ARL15: variants seen among roughly 807,000 people sequenced by gnomAD.
The protein encoded by ARL15 is ADP-ribosylation factor-like protein 15.
ARL15 carries 19 observed loss-of-function variants against 25.2 expected under a neutral mutation model. The observed-to-expected ratio is 0.75, with a 90% CI of 0.53 to 1.10. ARL15 has a LOEUF of 1.10. Ranked by LOEUF, ARL15 falls within the 50% of genes least tolerant of loss-of-function variation. The pLI is 0.00. For synonymous variants in ARL15, 94 were observed against 86.8 expected, an observed-to-expected ratio of 1.08 and a Z score of -0.46; for missense variants, 220 against 246.0, an observed-to-expected ratio of 0.89 and a Z score of 0.71.
intron 3 of ARL15, among the ~76,000 whole-genome samples, chr5:54,148,610 A>G (rs2112332349): frequency 6.6e-6 from 1 of 152,332 alleles, no homozygotes; most frequent in African/African-American, 2.4e-5. Context: ...TGAATACTGA[A>G]TCATAAAAGA....
intron 1 of ARL15, among the ~76,000 whole-genome samples, chr5:54,229,865 C>T (rs1176261353): frequency 2.6e-5 from 4 of 152,126 alleles, no homozygotes; most frequent in Non-Finnish European, 2.9e-5. Flanking sequence ...TCCCGTTCTC[C>T]CCTTTGAGGC....
At chr5:54,130,847 C>G (rs755035509) in intron 3 of ARL15, among the ~76,000 whole-genome samples, 14 of 152,124 alleles carry the variant, frequency 9.2e-5, no homozygotes, top group Non-Finnish European at 1.6e-4. Flanking sequence ...GAATGGCACT[C>G]TAGGTAGTTG....
At chr5:54,154,479 T>A (rs1754161707) in intron 3 of ARL15, 101 bp downstream of exon 3, 3 of 708,600 alleles carry the variant, frequency 4.2e-6, no homozygotes, top group Admixed American at 7.6e-5. Flanking sequence ...ATGAACCACC[T>A]ACTAAAATAA....
At chr5:54,296,974 A>G (rs891849054) in intron 1 of ARL15, among the ~76,000 whole-genome samples, 1 of 152,216 alleles carries the variant, frequency 6.6e-6, no homozygotes, top group Non-Finnish European at 1.5e-5. Flanking sequence ...GGAGGCACAG[A>G]GCAGTGTACA....
intron 4 of ARL15, among the ~76,000 whole-genome samples, chr5:54,089,176 G>A (rs975284964): frequency 3.3e-5 from 5 of 152,114 alleles, no homozygotes; most frequent in South Asian, 2.1e-4. Flanking sequence ...AGTCCATAAC[G>A]GTTTTTGCCA....
chr5:53,974,995 A>T (rs1037108700), intron 4 of ARL15, among the ~76,000 whole-genome samples: 1 of 152,164 alleles, frequency 6.6e-6, no homozygotes, highest in Non-Finnish European at 1.5e-5. Context: ...AGATGTAAAC[A>T]AAGGTGCTGT....
intron 1 of ARL15, among the ~76,000 whole-genome samples, chr5:54,189,329 C>G (rs1434068068): frequency 6.6e-6 from 1 of 151,990 alleles, no homozygotes; most frequent in African/African-American, 2.4e-5. Context: ...TATAGAATCA[C>G]AAATGACAAA....
chr5:54,217,158 T>C (rs1397786339), intron 1 of ARL15, among the ~76,000 whole-genome samples: 1 of 151,488 alleles, frequency 6.6e-6, no homozygotes, highest in Non-Finnish European at 1.5e-5. Flanking sequence ...AAACAAAATA[T>C]ATTTATCTTT....
chr5:54,188,644 T>G (rs781697020), intron 1 of ARL15, among the ~76,000 whole-genome samples: 51 of 152,212 alleles, frequency 3.4e-4, no homozygotes, highest in Non-Finnish European at 5.6e-4. Flanking sequence ...ACAAGAGGAA[T>G]AAGACATCAC....
At chr5:54,002,359 G>C (rs908573020) in intron 4 of ARL15, among the ~76,000 whole-genome samples, 1 of 152,206 alleles carries the variant, frequency 6.6e-6, no homozygotes, top group South Asian at 2.1e-4. Context: ...AGAGGGTATT[G>C]AGTAGTCAAA....
At chr5:53,944,469 G>A (rs1746653949) in intron 4 of ARL15, among the ~76,000 whole-genome samples, 1 of 152,050 alleles carries the variant, frequency 6.6e-6, no homozygotes, top group African/African-American at 2.4e-5. Flanking sequence ...AAAATTTGCT[G>A]AGTGTGGTGG....
chr5:54,001,486 A>G (rs749721287), intron 4 of ARL15, among the ~76,000 whole-genome samples: 1 of 152,220 alleles, frequency 6.6e-6, no homozygotes, highest in South Asian at 2.1e-4. Context: ...ATAAAGTATC[A>G]ATCTCCTTAT....
chr5:53,914,140 C>CACAA lies in ARL15; in HGVS notation c.463-27428_463-27427insTTGT, dbSNP rs1274126672. Among the ~76,000 whole-genome samples, 4 of 148,356 alleles carry CACAA rather than the reference C, an allele frequency of 2.7e-5. No individual in the cohort carries two copies. The South Asian group carries it at 8.5e-4, about 31-fold the overall frequency. ...TGAAATTAGCAAGTGCACAGGCCCA[C>CACAA]ACACACACTCTCACACACACACACA... On this transcript the variant is annotated intron_variant, in intron 4 of 4. Coordinates refer to ENST00000504924, the MANE Select transcript of ARL15 (RefSeq NM_019087.3).
chr5:54,149,529 A>G (rs1175645628), intron 3 of ARL15, among the ~76,000 whole-genome samples: 1 of 152,220 alleles, frequency 6.6e-6, no homozygotes. Context: ...CAAATCTTCC[A>G]TAATGTGAGC....
intron 4 of ARL15, among the ~76,000 whole-genome samples, chr5:54,005,798 C>A (rs11747911): frequency 0.28 from 41,391 of 149,892 alleles, 5,948 homozygotes; most frequent in East Asian, 0.46. Flanking sequence ...GGAGGCGGAG[C>A]GTGCAGTGAG....
At chr5:54,127,684 G>A (rs986216909) in intron 3 of ARL15, among the ~76,000 whole-genome samples, 2 of 151,650 alleles carry the variant, frequency 1.3e-5, no homozygotes, top group African/African-American at 4.8e-5. Context: ...AGTTCATATG[G>A]AACCAAAAAA....
At chr5:54,081,120 T>C (rs561010137) in intron 4 of ARL15, among the ~76,000 whole-genome samples, 5 of 152,154 alleles carry the variant, frequency 3.3e-5, no homozygotes, top group Non-Finnish European at 7.3e-5. Context: ...CTTCAACATA[T>C]GAACTGGGGG....
intron 4 of ARL15, among the ~76,000 whole-genome samples, chr5:53,916,617 A>G (rs1208150829): frequency 7.2e-5 from 11 of 152,300 alleles, no homozygotes; most frequent in African/African-American, 2.6e-4. Context: ...ATGTTCTTTT[A>G]AGGCATCAGT....
intron 4 of ARL15, among the ~76,000 whole-genome samples, chr5:54,106,560 T>G (rs1752595089): frequency 6.6e-6 from 1 of 152,184 alleles, no homozygotes; most frequent in Non-Finnish European, 1.5e-5. Context: ...TCCCATATAC[T>G]TTAAATCATC....
Sources: gnomAD v4.1 joint callset for allele counts (sites outside exome capture counted in the v4.1 genomes callset) on GRCh38, gnomAD v4.1.1 for gene constraint, MANE v1.5 for transcripts, NCBI Gene and HGNC (gene_info 2026-07-23, HGNC 2026-07-21) for gene names.